MCM8: variants seen among roughly 807,000 people sequenced by gnomAD.
The protein encoded by MCM8 is minichromosome maintenance 8 homologous recombination repair factor.
In MCM8, 85 loss-of-function variants were observed where a neutral mutation model predicts 98.9. That is an observed-to-expected ratio of 0.86 (90% CI 0.72 to 1.03). The LOEUF (loss-of-function observed/expected upper bound fraction) is 1.03, where lower values mean the gene tolerates loss of function less well. Among genes scored for constraint, MCM8 ranks in the 50% least tolerant of loss-of-function variants. The probability of loss-of-function intolerance (pLI) is 0.00; values close to 1 mark genes in which losing one functional copy is unlikely to be tolerated. For missense variants in MCM8, 951 were observed against 997.8 expected (o/e 0.95, Z 0.63); for synonymous variants, 352 against 338.6 (o/e 1.04, Z -0.44).
chr20:5,959,383 A>G (rs1222111501), intron 7 of MCM8, among the ~76,000 whole-genome samples: 1 of 152,154 alleles, frequency 6.6e-6, no homozygotes, highest in African/African-American at 2.4e-5. Context: ...TCAAGTTTAC[A>G]TTTTTATTCT....
rs151282193 is a variant in MCM8 at position 5,952,473 on chromosome 20, G to A, written c.198G>A (p.Gln66=). 552 of 1,614,008 alleles carry A rather than the reference G, an allele frequency of 3.4e-4. No homozygotes were observed. The highest frequency in any genetic ancestry group is 3.3e-4 in the Middle Eastern group (2 of 6,060). The change falls in exon 3 of 19, where the codon CAG becomes CAA. Residue 66 remains glutamine, a synonymous_variant. Transcript: ENST00000610722. ...LLSTKTPQSM[Q]STLDRFIPYK... is the part of the protein sequence containing the mutation. Reference sequence around the variant, plus strand: ...CAACAAAGACCCCACAGTCAATGCAGTCAACATTGGATCGATTCATACCAT... The same window carrying A: ...CAACAAAGACCCCACAGTCAATGCAATCAACATTGGATCGATTCATACCAT...
intron 13 of MCM8, among the ~76,000 whole-genome samples, chr20:5,978,499 A>T (rs1247921802): frequency 6.6e-6 from 1 of 152,188 alleles, no homozygotes; most frequent in East Asian, 1.9e-4. Context: ...GGCACTGACA[A>T]AAAGGTGGAT....
At position 5,987,332 on chromosome 20, in the gene MCM8, G is replaced by A. The variant is rs1160687754; in HGVS notation, c.2214G>A (p.Glu738=). ...LREEATKEDA[E]DIVEIMKYSM... Reference sequence around the variant, plus strand: ...AGGAAGCAACCAAAGAAGACGCTGAGGATATAGTGGAAATTATGAAATATA... The same window carrying A: ...AGGAAGCAACCAAAGAAGACGCTGAAGATATAGTGGAAATTATGAAATATA... The change falls in exon 17 of 19, where the codon GAG becomes GAA. Residue 738 remains glutamate, a synonymous_variant. Transcript: ENST00000610722. The A allele has an allele frequency of 3.1e-6, 5 of 1,612,492 alleles. No homozygotes were observed. The highest frequency in any genetic ancestry group is 2.5e-6 in the Non-Finnish European group (3 of 1,179,456).
At chr20:5,977,560 A>G (rs2089538095) in intron 12 of MCM8, among the ~76,000 whole-genome samples, 1 of 152,236 alleles carries the variant, frequency 6.6e-6, no homozygotes, top group Non-Finnish European at 1.5e-5. Flanking sequence ...TTCGAACTTG[A>G]AAATGAAGCA....
intron 18 of MCM8, 66 bp downstream of exon 18, chr20:5,993,761 C>G (rs1038318437): frequency 2.3e-6 from 3 of 1,287,686 alleles, no homozygotes; most frequent in Non-Finnish European, 3.2e-6. Context: ...TATAGTAGAA[C>G]AGAAACAGTT....
chr20:5,972,035 GAAGT>G lies in MCM8; in HGVS notation c.1254+4_1254+7del, dbSNP rs1454619411. 13 of 1,610,170 alleles carry G rather than the reference GAAGT, an allele frequency of 8.1e-6. No homozygotes were observed. The highest frequency in any genetic ancestry group is 4.0e-5 in the African/African-American group (3 of 74,824). On this transcript the variant is annotated splice_donor_variant and coding_sequence_variant, in exon 11 of 19. Transcript: ENST00000610722. LOFTEE classifies it high-confidence loss of function. ...GCTTTGCCCTGTCATTTTTGGTCATGAAGTAAGTATTTTACTTCATCTTTACTCA... is the reference window on the plus strand; with the variant it reads ...GCTTTGCCCTGTCATTTTTGGTCATGAAGTATTTTACTTCATCTTTACTCA...
rs752690585 is a variant in MCM8, at chr20:5,963,304, T to C, written c.820T>C (p.Phe274Leu). Residue 274 changes from phenylalanine to leucine, a missense_variant, in exon 8 of 19, where the codon TTT becomes CTT. Phe to Leu is a conservative substitution (Grantham distance 22). Coordinates refer to ENST00000610722, the MANE Select transcript of MCM8 (RefSeq NM_032485.6). ...CPVPVCRGRS[F>L]TALRSSPLTV... Reference sequence around the variant, plus strand: ...TGTGCCTGTGTGTCGAGGCAGGTCATTTACTGCTCTCCGCAGCTCTCCTCT... The same window carrying C: ...TGTGCCTGTGTGTCGAGGCAGGTCACTTACTGCTCTCCGCAGCTCTCCTCT... 2.5e-6 allele frequency: 4 copies of C among 1,614,110 alleles called. No individual in the cohort carries two copies. In the South Asian group the frequency reaches 4.4e-5, roughly 18 times the overall value.
chr20:5,984,025 A>G (rs1394889930), intron 14 of MCM8, among the ~76,000 whole-genome samples: 9 of 152,216 alleles, frequency 5.9e-5, no homozygotes, highest in Non-Finnish European at 1.3e-4. Flanking sequence ...ACATTAACAA[A>G]CTTAAATATG....
chr20:5,977,761 A>T, intron 12 of MCM8, 115 bp from the exon 13 acceptor site: 1 of 1,075,846 alleles, frequency 9.3e-7, no homozygotes. Flanking sequence ...TGCACCTTGT[A>T]CACTAAAGCT....
At chr20:5,971,886 A>C in intron 10 of MCM8, 121 bp from the exon 11 acceptor site, 1 of 718,070 alleles carries the variant, frequency 1.4e-6, no homozygotes, top group Non-Finnish European at 2.3e-6. Context: ...AGTTGAGGGG[A>C]TGTAAATTTT....
At chr20:5,957,402 C>G (rs2089015466) in intron 6 of MCM8, among the ~76,000 whole-genome samples, 173 bp downstream of exon 6, 1 of 152,166 alleles carries the variant, frequency 6.6e-6, no homozygotes, top group Non-Finnish European at 1.5e-5. Flanking sequence ...TCAAAGACAT[C>G]ATGACAGATA....
rs915040555 is a variant in MCM8 at position 5,958,161 on chromosome 20, G to A, written c.591-367G>A. Among the ~76,000 whole-genome samples, 16 of 152,338 alleles carry A rather than the reference G, an allele frequency of 1.1e-4. No individual in the cohort carries two copies. The East Asian group carries it at 1.5e-3, about 15-fold the overall frequency. Reference sequence around the variant, plus strand: ...CGAGGCAGGCGGATCACGAGGTCAAGCGATCGAGACCATCCTGGCCAACAT... The same window carrying A: ...CGAGGCAGGCGGATCACGAGGTCAAACGATCGAGACCATCCTGGCCAACAT... On this transcript the variant is annotated intron_variant, in intron 6 of 18. Transcript: ENST00000610722.
chr20:5,981,478 G>A (rs2089629267), intron 13 of MCM8, among the ~76,000 whole-genome samples: 1 of 152,118 alleles, frequency 6.6e-6, no homozygotes, highest in Non-Finnish European at 1.5e-5. Flanking sequence ...CAAGAAAGGT[G>A]GCACAAAGTT....
chr20:5,967,627 G>C (rs1568579535), intron 9 of MCM8, 40 bp downstream of exon 9: 1 of 1,573,362 alleles, frequency 6.4e-7, no homozygotes, highest in Non-Finnish European at 8.7e-7. Context: ...TCTCAATAAT[G>C]ATTCATCAAC....
At chr20:5,952,380 A>C in intron 2 of MCM8, 44 bp from the exon 3 acceptor site, 2 of 1,596,732 alleles carry the variant, frequency 1.3e-6, no homozygotes, top group Non-Finnish European at 1.7e-6. Flanking sequence ...TATTGGAAAA[A>C]TGTTCACTCT....
chr20:5,997,676 A>G lies in MCM8; in HGVS notation c.*3285A>G, dbSNP rs1320870891. ...GTCGCCCAGGCTGGAGTGCAGTGAC[A>G]TGATCAAGCCGTGATCTCCTGGGCT... is the stretch of plus-strand genomic sequence containing the variant. On this transcript the variant is annotated 3_prime_UTR_variant, in exon 19 of 19. Coordinates refer to ENST00000610722, the MANE Select transcript of MCM8 (RefSeq NM_032485.6). 1.3e-5 allele frequency: 2 copies of G among 152,198 alleles called. No individual in the cohort carries two copies. The highest frequency in any genetic ancestry group is 6.5e-5 in the Admixed American group (1 of 15,270). The allele number at this position is 152,198 out of a possible 1,614,324, so 9.4% of individuals were successfully genotyped here.
chr20:5,958,740 T>C lies in MCM8; in HGVS notation c.789+14T>C. On this transcript the variant is annotated intron_variant, in intron 7 of 18. Transcript: ENST00000610722. ...CTTCCCACAAAGGTAATACGTTCTT[T>C]AACTGCTTCTTTATTTATCTTGGTA... 3 of 1,607,852 alleles carry C rather than the reference T, an allele frequency of 1.9e-6. No individual in the cohort carries two copies. The highest frequency in any genetic ancestry group is 1.3e-5 in the African/African-American group (1 of 74,740).
Position 5,992,749 on chromosome 20 carries a change from A to G in MCM8, c.2241-757A>G, listed in dbSNP as rs150684979. Among the ~76,000 whole-genome samples, 426 of 152,322 alleles carry G rather than the reference A, an allele frequency of 2.8e-3. 5 individuals are homozygous for G. The highest frequency in any genetic ancestry group is 4.1e-3 in the South Asian group (20 of 4,826). ...GATTATACCTGTTTTGTTCACCACT[A>G]TAAGCCTGTTGCCCAGCAGGTGACC... On this transcript the variant is annotated intron_variant, in intron 17 of 18. Coordinates refer to ENST00000610722, the MANE Select transcript of MCM8 (RefSeq NM_032485.6).
At position 5,985,949 on chromosome 20, in the gene MCM8, A is replaced by G. The variant is rs773002543; in HGVS notation, c.1981A>G (p.Ile661Val). 1.1e-5 allele frequency: 18 copies of G among 1,614,066 alleles called. No homozygotes were observed. The Admixed American group carries it at 2.8e-4, about 25-fold the overall frequency. ...KVVPGETIDP[I>V]PHQLLRKYIG... Reference sequence around the variant, plus strand: ...GGTTCCTGGAGAAACAATAGATCCCATTCCCCACCAGCTATTGAGAAAGTA... The same window carrying G: ...GGTTCCTGGAGAAACAATAGATCCCGTTCCCCACCAGCTATTGAGAAAGTA... Residue 661 changes from isoleucine (I) to valine (V), a missense_variant, in exon 16 of 19, where the codon ATT (isoleucine) becomes GTT (valine). Coordinates refer to ENST00000610722, the MANE Select transcript of MCM8 (RefSeq NM_032485.6).
Sources: allele counts gnomAD v4.1 joint callset (sites outside exome capture counted in the v4.1 genomes callset), GRCh38; gene constraint gnomAD v4.1.1; transcripts MANE v1.5; gene names NCBI Gene and HGNC (gene_info 2026-07-23, HGNC 2026-07-21).